Variants in SLF2 observed in about 807,000 individuals in gnomAD.
SLF2 encodes SMC5-SMC6 complex localization factor protein 2.
A neutral mutation model predicts 124.3 loss-of-function variants in SLF2; 68 were observed. The ratio of observed to expected loss-of-function variants is 0.55; its 90% CI spans 0.45 to 0.67. The LOEUF is 0.67. Among genes scored for constraint, SLF2 ranks in the 30% least tolerant of loss-of-function variants. The pLI, the probability that SLF2 is intolerant of heterozygous loss-of-function variation, is 0.00. For synonymous variants in SLF2, 480 were observed against 478.8 expected (o/e 1.00, Z -0.03); for missense variants, 1,246 against 1,373.7 (o/e 0.91, Z 1.47).
At chr10:100,913,705 G>T in intron 1 of SLF2, 1 of 995,932 alleles carries the variant, frequency 1.0e-6, no homozygotes, top group Non-Finnish European at 1.2e-6. Flanking sequence ...AGTCCAGCGT[G>T]CACGCTAGTT....
At chr10:100,944,877 A>T (rs1028056201) in intron 12 of SLF2, among the ~76,000 whole-genome samples, 1 of 152,104 alleles carries the variant, frequency 6.6e-6, no homozygotes, top group Non-Finnish European at 1.5e-5. Flanking sequence ...ATACAAAAAA[A>T]AAATTAGTCA....
intron 6 of SLF2, 98 bp downstream of exon 6, chr10:100,926,117 G>A (rs776289525): frequency 8.3e-5 from 132 of 1,595,878 alleles, no homozygotes; most frequent in South Asian, 2.8e-4. Context: ...TGAGAAATTA[G>A]CGTGCATTTT....
rs1564774100 is a variant in SLF2 at position 100,928,079 on chromosome 10, C to CACACA, written c.2043-1237_2043-1236insCACAA. On this transcript the variant is annotated intron_variant, in intron 6 of 19. Coordinates refer to ENST00000238961, the MANE Select transcript of SLF2 (RefSeq NM_018121.4). ...CACACACACACACACGAGAGAGAGA[C>CACACA]AGAGAGAGAGAGAGAGAGAGAGAGA... 1.8e-5 allele frequency among the ~76,000 whole-genome samples: 2 copies of CACACA among 113,026 alleles called. 1 individual carries two copies. Among genetic ancestry groups the CACACA allele is most frequent in the Non-Finnish European group, 3.4e-5 (2 of 59,046 alleles). 74.1% of individuals were successfully genotyped at this position (113,026 alleles called of 152,430 possible). A position where few individuals can be genotyped will look rare whatever the true frequency, so the allele number is the denominator to read the frequency against.
At chr10:100,949,924 G>C (rs2133819393) in intron 15 of SLF2, 152 bp from the exon 16 acceptor site, 1 of 749,492 alleles carries the variant, frequency 1.3e-6, no homozygotes, top group East Asian at 2.9e-5. Context: ...AGCAATTCAG[G>C]GTTTTACATA....
chr10:100,947,285 C>G (rs765780618), intron 14 of SLF2, 149 bp downstream of exon 14: 118 of 484,748 alleles, frequency 2.4e-4, no homozygotes, highest in Non-Finnish European at 3.6e-4. Flanking sequence ...GCATTGATAG[C>G]CTGATTCTGC....
rs1473343731 is a variant in SLF2, at chr10:100,961,884, T to G, written c.3494T>G (p.Leu1165Arg). ...IQNCRPTQGQ[L>R]HDFWVPDS ...TCTCCTTCCCTTTTTTAGGGGCAGC[T>G]TCATGACTTCTGGGTACCAGATTCT... Residue 1165 changes from leucine (L) to arginine (R), a missense_variant, in exon 20 of 20, where the codon CTT (leucine) becomes CGT (arginine). This residue lies in a region of SLF2 where 535 missense variants were observed against 632.8 expected (regional missense o/e 0.85). Coordinates refer to ENST00000238961, the MANE Select transcript of SLF2 (RefSeq NM_018121.4). 2 of 1,608,288 alleles carry G rather than the reference T, an allele frequency of 1.2e-6. No homozygotes were observed. Among genetic ancestry groups the G allele is most frequent in the African/African-American group, 2.7e-5 (2 of 74,858 alleles).
chr10:100,939,699 TACAG>T (rs1849931225), intron 11 of SLF2, among the ~76,000 whole-genome samples: 1 of 149,358 alleles, frequency 6.7e-6, no homozygotes, highest in African/African-American at 2.4e-5. Context: ...GGAAACTGGT[TACAG>T]ACAAAGTATT....
At chr10:100,955,264 A>AT (rs1291229660) in intron 17 of SLF2, among the ~76,000 whole-genome samples, 2 of 152,054 alleles carry the variant, frequency 1.3e-5, no homozygotes, top group Non-Finnish European at 2.9e-5. Context: ...AAAAAAAAAA[A>AT]AGTCACAAAC....
chr10:100,943,193 C>T (rs1452866519), intron 11 of SLF2, among the ~76,000 whole-genome samples: 2 of 152,304 alleles, frequency 1.3e-5, no homozygotes, highest in Non-Finnish European at 2.9e-5. Flanking sequence ...ACAAAAGAGG[C>T]TCCTTCTACC....
rs1849695758 is a variant in SLF2 at position 100,929,880 on chromosome 10, A to T, written c.2216A>T (p.His739Leu). The T allele has an allele frequency of 4.4e-6, 7 of 1,596,262 alleles. No individual in the cohort carries two copies. The highest frequency in any genetic ancestry group is 6.0e-6 in the Non-Finnish European group (7 of 1,174,416). ...ACAATTGATGCTATTCCTGATCATC[A>T]TCCAGGTGAAGAAATATTTAATTTC... The part of the protein sequence containing the change: ...SVTIDAIPDH[H>L]PGEEIFNFLN... Residue 739 changes from histidine to leucine, a missense_variant, in exon 8 of 20, where the codon CAT becomes CTT. Around this residue, in one of 3 missense-constraint regions of SLF2, gnomAD observed 535 missense variants for 632.8 expected, o/e 0.85. Transcript: ENST00000238961.
At chr10:100,943,374 A>G (rs1421550725) in intron 11 of SLF2, among the ~76,000 whole-genome samples, 2 of 152,238 alleles carry the variant, frequency 1.3e-5, no homozygotes, top group African/African-American at 4.8e-5. Flanking sequence ...TAGGAAGGAA[A>G]CGAGTGGTTA....
intron 1 of SLF2, 61 bp downstream of exon 1, chr10:100,913,311 C>G: frequency 7.2e-7 from 1 of 1,393,814 alleles, no homozygotes; most frequent in Non-Finnish European, 9.4e-7. Flanking sequence ...GAGGGGAGGG[C>G]TGCAGACCGC....
At chr10:100,931,307 C>T (rs1377269801) in intron 9 of SLF2, among the ~76,000 whole-genome samples, 1 of 152,178 alleles carries the variant, frequency 6.6e-6, no homozygotes, top group Non-Finnish European at 1.5e-5. Context: ...CTGAACCCTT[C>T]ACCACAGTGA....
chr10:100,924,398 CAAAGGA>C lies in SLF2; in HGVS notation c.1398_1403del (p.Lys469_Glu470del). On this transcript the variant is annotated inframe_deletion, in exon 5 of 20. Transcript: ENST00000238961. ...AAAAATAAAACCGCTAGCTCCACGA[CAAAGGA>C]GAAGGAGACAAAACTACCTTTACTT... 6.2e-7 allele frequency: 1 copy of C among 1,614,150 alleles called. No individual in the cohort carries two copies. The highest frequency in any genetic ancestry group is 8.5e-7 in the Non-Finnish European group (1 of 1,180,030).
intron 1 of SLF2, among the ~76,000 whole-genome samples, chr10:100,915,434 CA>C (rs1849396071): frequency 6.6e-6 from 1 of 152,148 alleles, no homozygotes; most frequent in East Asian, 1.9e-4. Flanking sequence ...CTAGATCAGC[CA>C]AATCACCTGT....
At chr10:100,926,355 G>A in intron 6 of SLF2, 1 of 1,331,780 alleles carries the variant, frequency 7.5e-7, no homozygotes, top group Non-Finnish European at 9.8e-7. Flanking sequence ...CTGTAATCCA[G>A]TACTTTAGGA....
chr10:100,939,449 G>A (rs867015988), intron 11 of SLF2, among the ~76,000 whole-genome samples: 11 of 151,812 alleles, frequency 7.2e-5, no homozygotes, highest in Non-Finnish European at 1.5e-4. Flanking sequence ...AGGCCAAGGC[G>A]GGCGGATCAC....
intron 9 of SLF2, among the ~76,000 whole-genome samples, chr10:100,932,257 T>TA (rs35269470): frequency 9.3e-4 from 139 of 149,252 alleles, no homozygotes; most frequent in African/African-American, 2.9e-3. Flanking sequence ...CACATCTGTT[T>TA]AAAAAAAAAA....
rs769519563 is a variant in SLF2 at position 100,916,814 on chromosome 10, A to C, written c.429A>C (p.Leu143Phe). ...GTCTGTCACTAGCCTCCAAATATTT[A>C]GCCAAAGGAACAAATATCTATGTTC... ...RPCLSLASKY[L>F]AKGTNIYVPS... The change falls in exon 3 of 20, where the codon TTA (leucine) becomes TTC (phenylalanine). Residue 143 changes from leucine to phenylalanine, a missense_variant. Physicochemically the swap from Leu to Phe is conservative, Grantham distance 22 (BLOSUM62 0). Transcript: ENST00000238961. 1 of 1,614,138 alleles carries C rather than the reference A, an allele frequency of 6.2e-7. No homozygotes were observed. Among genetic ancestry groups the C allele is most frequent in the Non-Finnish European group, 8.5e-7 (1 of 1,180,028 alleles).
Sources: gnomAD v4.1 joint callset for allele counts (sites outside exome capture counted in the v4.1 genomes callset) on GRCh38, gnomAD v4.1.1 for gene constraint, gnomAD v4.1.1 regional missense constraint, MANE v1.5 for transcripts, NCBI Gene and HGNC (gene_info 2026-07-23, HGNC 2026-07-21) for gene names.